Variants in ANO10 observed in about 807,000 individuals in gnomAD.
ANO10 encodes the protein anoctamin-10.
Under a neutral mutation model 74.7 loss-of-function variants are expected in ANO10, and 77 were observed. The ratio of observed to expected loss-of-function variants is 1.03; its 90% CI spans 0.86 to 1.25. The LOEUF (loss-of-function observed/expected upper bound fraction) is 1.25, where lower values mean the gene tolerates loss of function less well. Ranked by LOEUF, ANO10 falls within the 50% of genes most tolerant of loss-of-function variation. The pLI, the probability that ANO10 is intolerant of heterozygous loss-of-function variation, is 0.00. For synonymous variants in ANO10, 279 were observed against 284.9 expected, an observed-to-expected ratio of 0.98 and a Z score of 0.21; for missense variants, 721 against 778.1, an observed-to-expected ratio of 0.93 and a Z score of 0.87.
At chr3:43,423,801 C>CACTG (rs1475327155) in intron 12 of ANO10, among the ~76,000 whole-genome samples, 2 of 152,166 alleles carry the variant, frequency 1.3e-5, no homozygotes, top group East Asian at 3.9e-4. Context: ...TCTGAAGAGA[C>CACTG]ACTGGCACAT....
intron 1 of ANO10, among the ~76,000 whole-genome samples, chr3:43,662,060 T>C (rs1053609775): frequency 6.6e-6 from 1 of 152,186 alleles, no homozygotes; most frequent in African/African-American, 2.4e-5. Context: ...GCGGACCTAA[T>C]AGACATCTAC....
chr3:43,516,766 G>C (rs1188326428), intron 11 of ANO10, among the ~76,000 whole-genome samples: 1 of 152,168 alleles, frequency 6.6e-6, no homozygotes, highest in African/African-American at 2.4e-5. Flanking sequence ...GGAGAGAAAA[G>C]AGATCTCCAA....
chr3:43,394,364 A>T (rs1352075841), intron 12 of ANO10, among the ~76,000 whole-genome samples: 1 of 152,128 alleles, frequency 6.6e-6, no homozygotes, highest in Non-Finnish European at 1.5e-5. Flanking sequence ...CCTTCCTGTC[A>T]TAAATATACC....
intron 11 of ANO10, among the ~76,000 whole-genome samples, chr3:43,541,561 G>A (rs1324911324): frequency 4.6e-5 from 7 of 152,036 alleles, no homozygotes; most frequent in African/African-American, 1.7e-4. Flanking sequence ...CATTATCAAA[G>A]TCCTTATAAT....
rs1292796988 is a variant in ANO10, at chr3:43,583,199, T to C, written c.473-2727A>G. 2.0e-5 allele frequency among the ~76,000 whole-genome samples: 3 copies of C among 152,060 alleles called. No individual in the cohort carries two copies. In the East Asian group the frequency reaches 5.8e-4, roughly 29 times the overall value. On this transcript the variant is annotated intron_variant, in intron 4 of 12. Transcript: ENST00000292246. ...CTCTTCATCAGTGCCAAAGTCATGG[T>C]TCTGTTTTCAGCTTCTAAAAATAGA...
chr3:43,647,211 AATAG>A (rs753257738), intron 1 of ANO10, among the ~76,000 whole-genome samples: 14 of 138,716 alleles, frequency 1.0e-4, no homozygotes, highest in African/African-American at 2.1e-4. Flanking sequence ...CCCATAGATA[AATAG>A]ATAGATAAGA....
chr3:43,441,330 T>C (rs1349864232), intron 11 of ANO10, among the ~76,000 whole-genome samples: 5 of 151,392 alleles, frequency 3.3e-5, no homozygotes, highest in African/African-American at 9.7e-5. Flanking sequence ...AAATCAGAAA[T>C]GTAAGAAGAA....
chr3:43,377,361 C>G (rs534410185), intron 12 of ANO10, among the ~76,000 whole-genome samples: 1 of 152,230 alleles, frequency 6.6e-6, no homozygotes, highest in Admixed American at 6.5e-5. Flanking sequence ...ACTGGGATTA[C>G]AGGTGTGAGC....
chr3:43,572,322 G>C (rs574951818), intron 7 of ANO10, among the ~76,000 whole-genome samples: 25 of 152,272 alleles, frequency 1.6e-4, no homozygotes, highest in Admixed American at 8.5e-4. Flanking sequence ...AGAGATCCCA[G>C]GATGGCCAGG....
At chr3:43,480,326 A>G (rs763619146) in intron 11 of ANO10, among the ~76,000 whole-genome samples, 4 of 152,212 alleles carry the variant, frequency 2.6e-5, no homozygotes, top group Non-Finnish European at 4.4e-5. Context: ...ATTTCACAGA[A>G]CTGAAGAACA....
At chr3:43,405,747 T>C (rs566570862) in intron 12 of ANO10, among the ~76,000 whole-genome samples, 178 of 152,300 alleles carry the variant, frequency 1.2e-3, no homozygotes, top group South Asian at 8.9e-3. Flanking sequence ...GTGCTGGGAT[T>C]ACAGGCGTGA....
At chr3:43,399,652 G>A (rs540673055) in intron 12 of ANO10, among the ~76,000 whole-genome samples, 3 of 152,244 alleles carry the variant, frequency 2.0e-5, no homozygotes, top group South Asian at 4.1e-4. Context: ...CCATCTGAAT[G>A]GGGGCGCTCT....
Position 43,577,050 on chromosome 3 carries a change from C to A in ANO10, c.804G>T (p.Met268Ile). ...LELWKRGCAN[M>I]TYRWGTLLMK... is the part of the protein sequence containing the mutation. ...TGAGCAGTGTCCCCCACCTGTAGGTCATGTTGGCACAGCCACGCTTCCACA... is the reference window on the plus strand; with the variant it reads ...TGAGCAGTGTCCCCCACCTGTAGGTAATGTTGGCACAGCCACGCTTCCACA... The change falls in exon 6 of 13, where the codon ATG becomes ATT. Residue 268 changes from methionine (M) to isoleucine (I), a missense_variant. Met to Ile is a conservative substitution (Grantham distance 10, BLOSUM62 1). Transcript: ENST00000292246. 1 of 1,614,186 alleles carries A rather than the reference C, an allele frequency of 6.2e-7. No homozygotes were observed. The highest frequency in any genetic ancestry group is 8.5e-7 in the Non-Finnish European group (1 of 1,180,036).
chr3:43,571,477 C>T (rs889206858), intron 7 of ANO10, among the ~76,000 whole-genome samples: 2 of 152,072 alleles, frequency 1.3e-5, no homozygotes, highest in African/African-American at 2.4e-5. Context: ...AAATGTGGCA[C>T]ATATACACCA....
intron 1 of ANO10, among the ~76,000 whole-genome samples, chr3:43,685,892 C>T (rs1012511974): frequency 1.3e-5 from 2 of 152,154 alleles, no homozygotes; most frequent in East Asian, 3.8e-4. Flanking sequence ...CCATCTTTTG[C>T]AGTTTTATTG....
At chr3:43,485,887 C>A in intron 11 of ANO10, 1 of 247,526 alleles carries the variant, frequency 4.0e-6, no homozygotes, top group Non-Finnish European at 8.2e-6. Context: ...TCATGGCGTC[C>A]TCTCCGCGCT....
intron 4 of ANO10, among the ~76,000 whole-genome samples, chr3:43,584,418 C>T (rs2081386196): frequency 6.6e-6 from 1 of 152,154 alleles, no homozygotes; most frequent in East Asian, 1.9e-4. Flanking sequence ...TCGGCTCACT[C>T]ATACCCAGAG....
chr3:43,519,437 T>C (rs1039616273), intron 11 of ANO10, among the ~76,000 whole-genome samples: 5 of 152,286 alleles, frequency 3.3e-5, no homozygotes, highest in Admixed American at 2.6e-4. Context: ...CTAACTAAGA[T>C]GGACAAGCAA....
chr3:43,649,629 T>C (rs1170090060), intron 1 of ANO10, among the ~76,000 whole-genome samples: 1 of 152,164 alleles, frequency 6.6e-6, no homozygotes. Context: ...CACTCAAGAT[T>C]TGAGCAAAGT....
Sources: allele counts gnomAD v4.1 joint callset (sites outside exome capture counted in the v4.1 genomes callset), GRCh38; gene constraint gnomAD v4.1.1; transcripts MANE v1.5; gene names NCBI Gene and HGNC (gene_info 2026-07-23, HGNC 2026-07-21).